The following IQSEC1 variants were observed in gnomAD, a reference collection of about 807,000 sequenced individuals.
The protein encoded by IQSEC1 is IQ motif and Sec7 domain ArfGEF 1.
In IQSEC1, 31 loss-of-function variants were observed where a neutral mutation model predicts 91.0. That is an observed-to-expected ratio of 0.34 (90% CI 0.26 to 0.46). The LOEUF is 0.46. IQSEC1 is among the 20% of genes least tolerant of loss of function. IQSEC1 has a pLI of 1.00. For synonymous variants in IQSEC1, 699 were observed against 662.6 expected, an observed-to-expected ratio of 1.05 and a Z score of -0.84; for missense variants, 1,388 against 1,575.6, an observed-to-expected ratio of 0.88 and a Z score of 2.02.
intron 2 of IQSEC1, 33 bp downstream of exon 2, chr3:12,941,538 G>C (rs745583879): frequency 2.0e-6 from 3 of 1,513,296 alleles, no homozygotes; most frequent in Non-Finnish European, 2.7e-6. Flanking sequence ...CCCTGCGCTT[G>C]CATGTGTGGC....
In IQSEC1 at chr3:13,026,864, G is replaced by GCTT. The variant is rs370534423; in HGVS notation, c.23+46127_23+46128insAAG. Among the ~76,000 whole-genome samples, 78 of 90,838 alleles carry GCTT rather than the reference G, an allele frequency of 8.6e-4. 9 individuals carry two copies. The highest frequency in any genetic ancestry group is 3.0e-3 in the South Asian group (5 of 1,672). The allele number at this position is 90,838 out of a possible 152,430, so 59.6% of individuals were successfully genotyped here. A position where few individuals can be genotyped will look rare whatever the true frequency, so the allele number is the denominator to read the frequency against. ...TGAAGTAGCAGTTATTATCTCCCCA[G>GCTT]TTTTTTTTTTTTTTGTTTGTTTTTT... On this transcript the variant is annotated intron_variant, in intron 1 of 13. Transcript: ENST00000613206.
At chr3:12,914,881 G>A (rs1028442299) in intron 8 of IQSEC1, among the ~76,000 whole-genome samples, 5 of 152,014 alleles carry the variant, frequency 3.3e-5, no homozygotes, top group East Asian at 1.9e-4. Flanking sequence ...TCAACAGGGC[G>A]TCAACAAGAG....
At position 13,073,179 on chromosome 3, in the gene IQSEC1, GGC is replaced by G; in HGVS notation, c.-167_-166del. 1.3e-6 allele frequency: 1 copy of G among 742,290 alleles called. No homozygotes were observed. The highest frequency in any genetic ancestry group is 2.2e-6 in the Non-Finnish European group (1 of 450,076). 46.0% of individuals were successfully genotyped at this position (742,290 alleles called of 1,614,324 possible). A position where few individuals can be genotyped will look rare whatever the true frequency, so the allele number is the denominator to read the frequency against. Reference sequence around the variant, plus strand: ...TGGCGGGCTCCTCCAGGGAGGCTGGGGCGGGAGCGGGGGGCGGCGCCAGCAGC... The same window carrying G: ...TGGCGGGCTCCTCCAGGGAGGCTGGGGGGAGCGGGGGGCGGCGCCAGCAGC... On this transcript the variant is annotated 5_prime_UTR_variant, in exon 1 of 14. Coordinates refer to ENST00000613206, the MANE Select transcript of IQSEC1 (RefSeq NM_001134382.3).
At chr3:12,943,001 T>C (rs1698897300) in intron 1 of IQSEC1, among the ~76,000 whole-genome samples, 1 of 152,222 alleles carries the variant, frequency 6.6e-6, no homozygotes, top group Admixed American at 6.5e-5. Flanking sequence ...CGAAGGCCCC[T>C]GTGTGTGGTG....
intron 1 of IQSEC1, among the ~76,000 whole-genome samples, chr3:13,180,677 T>C (rs1436969927): frequency 0.021 from 3,125 of 149,138 alleles, 168 homozygotes; most frequent in African/African-American, 0.076. Context: ...TAACACTCAC[T>C]GCGAAGGTCT....
intron 2 of IQSEC1, among the ~76,000 whole-genome samples, chr3:13,121,339 G>A (rs1706419640): frequency 6.6e-6 from 1 of 152,142 alleles, no homozygotes; most frequent in Non-Finnish European, 1.5e-5. Context: ...GCTACCTGAA[G>A]AAGCCAATGT....
Position 12,901,125 on chromosome 3 carries a change from G to A in IQSEC1, c.3203C>T (p.Ala1068Val). The change falls in exon 14 of 14, where the codon GCC (alanine) becomes GTC (valine). Residue 1068 changes from alanine (A) to valine (V), a missense_variant. This residue lies in a region of IQSEC1 where 329 missense variants were observed against 257.8 expected (regional missense o/e 1.28). Coordinates refer to ENST00000613206, the MANE Select transcript of IQSEC1 (RefSeq NM_001134382.3). The part of the protein sequence containing the change: ...YHHGPHGGHP[A>V]YGAHAHGHPP... ...GTGGCCGTGGGCATGGGCCCCGTAG[G>A]CTGGGTGGCCCCCATGGGGGCCGTG... 2.6e-6 allele frequency: 4 copies of A among 1,542,216 alleles called. No homozygotes were observed. Among genetic ancestry groups the A allele is most frequent in the South Asian group, 1.2e-5 (1 of 83,834 alleles).
Position 12,899,659 on chromosome 3 carries a change from GCA to G in IQSEC1, c.*1322_*1323del, listed in dbSNP as rs1373586849. The G allele has an allele frequency of 1.7e-5, 17 of 985,314 alleles. No individual in the cohort carries two copies. Among genetic ancestry groups the G allele is most frequent in the Non-Finnish European group, 1.9e-5 (16 of 829,942 alleles). The allele number at this position is 985,314 out of a possible 1,614,324, so 61.0% of individuals were successfully genotyped here. The stretch of plus-strand genomic sequence containing the variant: ...CGGTGAGGACACAGGGGTTCTGCTA[GCA>G]CATGGCTACATGGAATTACGGTGAT... On this transcript the variant is annotated 3_prime_UTR_variant, in exon 14 of 14. Coordinates refer to ENST00000613206, the MANE Select transcript of IQSEC1 (RefSeq NM_001134382.3).
chr3:13,072,350 G>C (rs1705460679), intron 1 of IQSEC1, among the ~76,000 whole-genome samples: 1 of 152,240 alleles, frequency 6.6e-6, no homozygotes, highest in African/African-American at 2.4e-5. Flanking sequence ...GGGAAGCCTG[G>C]CTAACCGAAG....
chr3:12,914,555 G>A (rs547274426), intron 8 of IQSEC1, among the ~76,000 whole-genome samples: 126 of 152,326 alleles, frequency 8.3e-4, no homozygotes, highest in Non-Finnish European at 1.5e-3. Context: ...GGTGGGAGGG[G>A]ACTGGTCTCT....
At chr3:13,175,531 A>G (rs1693709823) in intron 1 of IQSEC1, among the ~76,000 whole-genome samples, 2 of 152,088 alleles carry the variant, frequency 1.3e-5, no homozygotes, top group African/African-American at 4.8e-5. Context: ...CACATCCCCA[A>G]AGCCTGCCAC....
chr3:13,089,906 T>C (rs1408102953), intron 2 of IQSEC1, among the ~76,000 whole-genome samples: 1 of 152,232 alleles, frequency 6.6e-6, no homozygotes, highest in African/African-American at 2.4e-5. Context: ...CATTGAATTG[T>C]ACACTTTTAA....
intron 1 of IQSEC1, among the ~76,000 whole-genome samples, chr3:12,964,826 GATGCACACAC>G (rs1395538735): frequency 2.0e-5 from 3 of 151,934 alleles, no homozygotes; most frequent in Admixed American, 6.6e-5. Flanking sequence ...TGCACACACA[GATGCACACAC>G]ATGCACACAC....
chr3:13,080,333 G>A (rs1705629146), intron 2 of IQSEC1, among the ~76,000 whole-genome samples: 1 of 152,150 alleles, frequency 6.6e-6, no homozygotes, highest in African/African-American at 2.4e-5. Flanking sequence ...TTTGGGAGAA[G>A]TGTGGGTGGG....
intron 1 of IQSEC1, among the ~76,000 whole-genome samples, chr3:13,250,296 G>C (rs925057611): frequency 6.6e-6 from 1 of 152,120 alleles, no homozygotes; most frequent in Non-Finnish European, 1.5e-5. Context: ...AGGAAGCATC[G>C]ACCCTGTGTG....
chr3:13,274,459 G>C (rs1695642081), intron 1 of IQSEC1, among the ~76,000 whole-genome samples: 1 of 152,164 alleles, frequency 6.6e-6, no homozygotes, highest in Non-Finnish European at 1.5e-5. Context: ...GGCGGGCTCA[G>C]GCCCCTTGGT....
intron 6 of IQSEC1, among the ~76,000 whole-genome samples, chr3:12,918,731 A>T (rs920561546): frequency 1.3e-5 from 2 of 152,176 alleles, no homozygotes; most frequent in Non-Finnish European, 2.9e-5. Context: ...CTGAGGCAGG[A>T]GGATCTCTTG....
intron 1 of IQSEC1, among the ~76,000 whole-genome samples, chr3:12,984,806 A>C (rs913462847): frequency 4.6e-5 from 7 of 151,200 alleles, no homozygotes; most frequent in African/African-American, 1.7e-4. Flanking sequence ...ACACTTTTAA[A>C]GCAATTACAT....
At position 13,202,130 on chromosome 3, in the gene IQSEC1, G is replaced by A. The variant is rs149803209; in HGVS notation, c.273-37997C>T. Among the ~76,000 whole-genome samples, 29 of 152,292 alleles carry A rather than the reference G, an allele frequency of 1.9e-4. 1 individual carries two copies. In the East Asian group the frequency reaches 5.6e-3, roughly 29 times the overall value. On this transcript the variant is annotated intron_variant, in intron 1 of 15. Transcript: ENST00000648114. ...CTGGCACCTCAGACCCATTAGGATG[G>A]CTCCTATCAAAAAACAGATGCTAAC...
Sources: allele counts gnomAD v4.1 joint callset (sites outside exome capture counted in the v4.1 genomes callset), GRCh38; gene constraint gnomAD v4.1.1; regional missense constraint gnomAD v4.1.1; transcripts MANE v1.5; gene names NCBI Gene and HGNC (gene_info 2026-07-23, HGNC 2026-07-21).